The following SYNPO variants were observed in gnomAD, a reference collection of about 807,000 sequenced individuals.
SYNPO encodes the protein synaptopodin.
A neutral mutation model predicts 49.5 loss-of-function variants in SYNPO; 19 were observed. The ratio of observed to expected loss-of-function variants is 0.38; its 90% CI spans 0.27 to 0.56. The LOEUF is 0.56. Among genes scored for constraint, SYNPO ranks in the 20% least tolerant of loss-of-function variants. The pLI, the probability that SYNPO is intolerant of heterozygous loss-of-function variation, is 0.68. For missense variants in SYNPO, 1,131 were observed against 1,248.3 expected, an observed-to-expected ratio of 0.91 and a Z score of 1.42; for synonymous variants, 536 against 548.0, an observed-to-expected ratio of 0.98 and a Z score of 0.31.
At chr5:150,627,058 C>A (rs907572042) in intron 2 of SYNPO, among the ~76,000 whole-genome samples, 1 of 152,166 alleles carries the variant, frequency 6.6e-6, no homozygotes, top group Non-Finnish European at 1.5e-5. Context: ...TGCCCTCCCA[C>A]AAGGCTGAGC....
At chr5:150,644,982 G>A (rs1010439524) in intron 1 of SYNPO, among the ~76,000 whole-genome samples, 2 of 152,206 alleles carry the variant, frequency 1.3e-5, no homozygotes, top group Admixed American at 1.3e-4. Context: ...GAGGAGGGAA[G>A]AAGGAGGTTG....
intron 2 of SYNPO, chr5:150,624,741 A>G: frequency 4.4e-6 from 3 of 675,136 alleles, no homozygotes; most frequent in Non-Finnish European, 3.7e-6. Flanking sequence ...GCAGCCCGCT[A>G]GGCGGTGGCG....
chr5:150,605,598 T>C (rs891584939), intron 1 of SYNPO, among the ~76,000 whole-genome samples: 3 of 152,012 alleles, frequency 2.0e-5, no homozygotes, highest in African/African-American at 7.2e-5. Flanking sequence ...AGGAATGGGT[T>C]AAAGGGGACC....
intron 1 of SYNPO, among the ~76,000 whole-genome samples, chr5:150,642,303 G>A (rs1251897045): frequency 2.0e-5 from 3 of 152,144 alleles, no homozygotes; most frequent in Non-Finnish European, 2.9e-5. Flanking sequence ...CATTGTGCCC[G>A]CCCTCCACCC....
At position 150,624,927 on chromosome 5, in the gene SYNPO, C is replaced by G. The variant is rs1484558387; in HGVS notation, c.400+6160C>G. ...CTGGAGGTGAGTGAGGGGCGCTGGC[C>G]TGGCAGGGGTGCGGGCACCGCGCGA... is the stretch of plus-strand genomic sequence containing the variant. On this transcript the variant is annotated intron_variant, in intron 2 of 2. Coordinates refer to the SYNPO transcript ENST00000394243. 5.4e-5 allele frequency: 53 copies of G among 985,538 alleles called. No individual in the cohort carries two copies. The South Asian group carries it at 2.1e-3, about 40-fold the overall frequency. The allele number at this position is 985,538 out of a possible 1,614,324, so 61.0% of individuals were successfully genotyped here. A position where few individuals can be genotyped will look rare whatever the true frequency, so the allele number is the denominator to read the frequency against.
chr5:150,652,896 T>G (rs894175424), intron 2 of SYNPO: 1 of 152,222 alleles, frequency 6.6e-6, no homozygotes, highest in Non-Finnish European at 1.5e-5. Context: ...CAGGTCTGCA[T>G]CTGATTCGTG....
intron 2 of SYNPO, chr5:150,650,681 GT>G: frequency 1.4e-6 from 2 of 1,416,720 alleles, no homozygotes; most frequent in South Asian, 3.5e-5. Flanking sequence ...TGCTGGGGGA[GT>G]GGCCTAGAAG....
chr5:150,607,709 C>T (rs139253621), intron 1 of SYNPO, among the ~76,000 whole-genome samples: 27 of 151,760 alleles, frequency 1.8e-4, no homozygotes, highest in Non-Finnish European at 3.4e-4. Flanking sequence ...GCAATGCCAG[C>T]ACTGTCCCCT....
At chr5:150,605,165 C>T (rs558878468) in intron 1 of SYNPO, among the ~76,000 whole-genome samples, 1 of 152,276 alleles carries the variant, frequency 6.6e-6, no homozygotes, top group African/African-American at 2.4e-5. Flanking sequence ...TCTGATAGTC[C>T]CTGCAGTTCC....
In SYNPO at chr5:150,656,489, C is replaced by T. The variant is rs1430980567; in HGVS notation, c.2114C>T (p.Pro705Leu). Reference protein sequence around the residue: ...PPSSLDGWVSPGPWEPGRGSS... With the variant: ...PPSSLDGWVSLGPWEPGRGSS... Reference sequence around the variant, plus strand: ...AGCAGCCTAGACGGCTGGGTGAGCCCGGGCCCGTGGGAGCCAGGTCGCGGG... The same window carrying T: ...AGCAGCCTAGACGGCTGGGTGAGCCTGGGCCCGTGGGAGCCAGGTCGCGGG... Residue 705 changes from proline to leucine, a missense_variant, in exon 3 of 3, where the codon CCG becomes CTG. Coordinates refer to ENST00000307662, the MANE Select transcript of SYNPO (RefSeq NM_007286.6). 6.5e-7 allele frequency: 1 copy of T among 1,532,280 alleles called. No individual in the cohort carries two copies. Among genetic ancestry groups the T allele is most frequent in the Admixed American group, 2.0e-5 (1 of 50,840 alleles). 94.9% of individuals were successfully genotyped at this position (1,532,280 alleles called of 1,614,324 possible).
rs1365673246 is a variant in SYNPO, at chr5:150,656,731, C to T, written c.2356C>T (p.Pro786Ser). The T allele has an allele frequency of 1.5e-6, 2 of 1,331,450 alleles. No homozygotes were observed. The highest frequency in any genetic ancestry group is 6.9e-5 in the Admixed American group (2 of 28,960). 82.5% of individuals were successfully genotyped at this position (1,331,450 alleles called of 1,614,324 possible). The stretch of plus-strand genomic sequence containing the variant: ...CGAGAACCCGCGGCCCTTCTCCCCG[C>T]CGAGGGCGCCACCGCCCCCGCCCCC... ...GAENPRPFSP[P>S]RAPPPPPPPP... Residue 786 changes from proline (P) to serine (S), a missense_variant, in exon 3 of 3, where the codon CCG becomes TCG. This residue lies in a region of SYNPO where 509 missense variants were observed against 484.5 expected (regional missense o/e 1.05). Transcript: ENST00000307662.
the SYNPO span, among the ~76,000 whole-genome samples, chr5:150,591,620 C>T: frequency 6.6e-6 from 1 of 152,210 alleles, no homozygotes; most frequent in Non-Finnish European, 1.5e-5. Context: ...TAAATTGATT[C>T]ACTTTTTAAA....
At chr5:150,590,877 G>C in the SYNPO span, among the ~76,000 whole-genome samples, 1 of 152,182 alleles carries the variant, frequency 6.6e-6, no homozygotes, top group Non-Finnish European at 1.5e-5. Context: ...GTGCAGCATA[G>C]ACTTGCTGCT....
chr5:150,637,780 G>T (rs1017109345), upstream of SYNPO, among the ~76,000 whole-genome samples: 1 of 152,206 alleles, frequency 6.6e-6, no homozygotes, highest in Non-Finnish European at 1.5e-5. Context: ...ACCACAGGGC[G>T]CTGTCCTTCA....
At chr5:150,633,203 G>C (rs1251189405) in intron 2 of SYNPO, among the ~76,000 whole-genome samples, 1 of 152,216 alleles carries the variant, frequency 6.6e-6, no homozygotes, top group Non-Finnish European at 1.5e-5. Flanking sequence ...CTAATGTGCA[G>C]TAGTATAGGT....
At position 150,648,910 on chromosome 5, in the gene SYNPO, G is replaced by T. The variant is rs778703282; in HGVS notation, c.635G>T (p.Arg212Leu). ...VVSADQEMSG[R>L]AAATTPTKVY... ...TCAGCAGATCAAGAGATGTCTGGGC[G>T]AGCAGCTGCCACCACGCCCACCAAG... The change falls in exon 2 of 3, where the codon CGA (arginine) becomes CTA (leucine). Residue 212 changes from arginine (R) to leucine (L), a missense_variant. This residue lies in a region of SYNPO where 602 missense variants were observed against 720.7 expected (regional missense o/e 0.84). Coordinates refer to ENST00000307662, the MANE Select transcript of SYNPO (RefSeq NM_007286.6). The surrounding 1 kb of genome is among the most constrained non-coding windows in gnomAD (Gnocchi z 5.0). 1.9e-6 allele frequency: 3 copies of T among 1,614,054 alleles called. No homozygotes were observed. In the African/African-American group the frequency reaches 4.0e-5, roughly 22 times the overall value.
At chr5:150,600,529 C>T (rs1055823114), upstream of SYNPO, among the ~76,000 whole-genome samples, 1 of 152,230 alleles carries the variant, frequency 6.6e-6, no homozygotes, top group East Asian at 1.9e-4. Context: ...CCTTGGCTCC[C>T]CATCTCTGCA....
intron 1 of SYNPO, among the ~76,000 whole-genome samples, chr5:150,641,691 A>G (rs981433974): frequency 1.3e-5 from 2 of 152,236 alleles, no homozygotes; most frequent in African/African-American, 4.8e-5. Flanking sequence ...GACTCCCAAC[A>G]TAGTGATCTT....
Position 150,656,896 on chromosome 5 carries a change from C to T in SYNPO, c.2521C>T (p.Pro841Ser). 1 of 1,576,130 alleles carries T rather than the reference C, an allele frequency of 6.3e-7. No individual in the cohort carries two copies. The highest frequency in any genetic ancestry group is 8.6e-7 in the Non-Finnish European group (1 of 1,162,072). The change falls in exon 3 of 3, where the codon CCG becomes TCG. Residue 841 changes from proline (P) to serine (S), a missense_variant. Physicochemically the swap from Pro to Ser is moderately conservative, Grantham distance 74. Around this residue, in one of 4 missense-constraint regions of SYNPO, gnomAD observed 509 missense variants for 484.5 expected, o/e 1.05. Coordinates refer to ENST00000307662, the MANE Select transcript of SYNPO (RefSeq NM_007286.6). ...GPSSCTSPRS[P>S]LPAPPRPFLY... The stretch of plus-strand genomic sequence containing the variant: ...TTCGTCCTGCACCAGTCCCCGGAGC[C>T]CGCTGCCCGCGCCTCCCAGGCCCTT...
Sources: allele counts gnomAD v4.1 joint callset (sites outside exome capture counted in the v4.1 genomes callset), GRCh38; gene constraint gnomAD v4.1.1; regional missense constraint gnomAD v4.1.1; non-coding constraint Gnocchi (gnomAD v3.1); transcripts MANE v1.5; gene names NCBI Gene and HGNC (gene_info 2026-07-23, HGNC 2026-07-21).